The following KCNJ3 variants were observed in gnomAD, a reference collection of about 807,000 sequenced individuals.
The protein encoded by KCNJ3 is potassium inwardly rectifying channel subfamily J member 3.
A neutral mutation model predicts 39.2 loss-of-function variants in KCNJ3; 4 were observed. The ratio of observed to expected loss-of-function variants is 0.10; its 90% CI spans 0.05 to 0.23. The LOEUF is 0.23. Among genes scored for constraint, KCNJ3 ranks in the 10% least tolerant of loss-of-function variants. The pLI is 1.00. For synonymous variants in KCNJ3, 230 were observed against 237.4 expected (o/e 0.97, Z 0.29); for missense variants, 276 against 634.9 (o/e 0.43, Z 6.08).
chr2:154,779,452 T>TA (rs2105202022), intron 2 of KCNJ3, among the ~76,000 whole-genome samples: 1 of 140,724 alleles, frequency 7.1e-6, no homozygotes, highest in East Asian at 2.3e-4. Flanking sequence ...GTATATATAT[T>TA]TTATATATAT....
At chr2:154,851,771 A>T (rs1176307124) in intron 2 of KCNJ3, among the ~76,000 whole-genome samples, 1 of 152,206 alleles carries the variant, frequency 6.6e-6, no homozygotes, top group Non-Finnish European at 1.5e-5. Flanking sequence ...GCCAACAAAC[A>T]TTTGAATACA....
chr2:154,776,278 A>C (rs1686333340), intron 2 of KCNJ3, among the ~76,000 whole-genome samples: 1 of 152,166 alleles, frequency 6.6e-6, no homozygotes, highest in African/African-American at 2.4e-5. Context: ...CTTGGAGTAC[A>C]GGCGTGAGCC....
chr2:154,704,130 A>T (rs1402544815), intron 1 of KCNJ3, among the ~76,000 whole-genome samples: 1 of 152,086 alleles, frequency 6.6e-6, no homozygotes, highest in Admixed American at 6.5e-5. Flanking sequence ...TATTCTTTTT[A>T]AAATAGTGGT....
intron 2 of KCNJ3, among the ~76,000 whole-genome samples, chr2:154,720,771 G>A (rs752740587): frequency 2.0e-5 from 3 of 152,098 alleles, no homozygotes; most frequent in Non-Finnish European, 4.4e-5. Context: ...TGAACTGAAC[G>A]TATGTGTATG....
Position 154,815,115 on chromosome 2 carries a change from T to C in KCNJ3, c.920-39612T>C, listed in dbSNP as rs182822717. Among the ~76,000 whole-genome samples, 225 of 152,326 alleles carry C rather than the reference T, an allele frequency of 1.5e-3. 2 individuals carry two copies. Among genetic ancestry groups the C allele is most frequent in the Admixed American group, 0.014 (209 of 15,294 alleles). On this transcript the variant is annotated intron_variant, in intron 2 of 2. Transcript: ENST00000295101. ...AAGCAAATACAACAGTTGAATTGCC[T>C]AATTTGTTTGACTTCTTTTCAATAT...
chr2:154,742,138 T>C (rs533354373), intron 2 of KCNJ3, among the ~76,000 whole-genome samples: 2 of 151,918 alleles, frequency 1.3e-5, no homozygotes, highest in African/African-American at 2.4e-5. Context: ...CATATAATAT[T>C]TGTCTTTTTA....
intron 2 of KCNJ3, among the ~76,000 whole-genome samples, chr2:154,723,014 C>T (rs960547070): frequency 1.3e-5 from 2 of 152,140 alleles, no homozygotes; most frequent in Non-Finnish European, 2.9e-5. Flanking sequence ...AGCATGGTGG[C>T]TCGTGCCTGT....
chr2:154,831,237 G>A (rs1233374946), intron 2 of KCNJ3, among the ~76,000 whole-genome samples: 1 of 151,984 alleles, frequency 6.6e-6, no homozygotes, highest in African/African-American at 2.4e-5. Context: ...ATTTTTTTCA[G>A]GTGATAAGTA....
chr2:154,715,212 C>A (rs1685161260), intron 2 of KCNJ3, among the ~76,000 whole-genome samples: 1 of 152,094 alleles, frequency 6.6e-6, no homozygotes, highest in Non-Finnish European at 1.5e-5. Context: ...GATTTAGTAC[C>A]TGGAGGATCT....
At chr2:154,753,032 G>A (rs752993073) in intron 2 of KCNJ3, among the ~76,000 whole-genome samples, 14 of 151,928 alleles carry the variant, frequency 9.2e-5, no homozygotes, top group Non-Finnish European at 1.8e-4. Flanking sequence ...AATCCTATTT[G>A]GTTAGCATTA....
intron 2 of KCNJ3, among the ~76,000 whole-genome samples, chr2:154,715,338 T>A (rs1685164097): frequency 6.6e-6 from 1 of 152,234 alleles, no homozygotes; most frequent in Non-Finnish European, 1.5e-5. Flanking sequence ...CACACATTTC[T>A]TATTGAGAAA....
intron 2 of KCNJ3, among the ~76,000 whole-genome samples, chr2:154,798,154 T>C (rs1686752330): frequency 1.3e-5 from 2 of 150,712 alleles, no homozygotes; most frequent in Admixed American, 6.6e-5. Context: ...ACTCTAAATG[T>C]ACCTATACCA....
chr2:154,781,759 C>T (rs1018955230), intron 2 of KCNJ3, among the ~76,000 whole-genome samples: 5 of 152,046 alleles, frequency 3.3e-5, no homozygotes, highest in African/African-American at 1.2e-4. Flanking sequence ...AATTTATTTG[C>T]AATAGGTACG....
intron 2 of KCNJ3, among the ~76,000 whole-genome samples, chr2:154,854,116 A>G (rs1180437554): frequency 1.3e-5 from 2 of 152,142 alleles, no homozygotes; most frequent in East Asian, 1.9e-4. Context: ...CCCACCCCCC[A>G]TAGCAATCCT....
chr2:154,794,765 T>C (rs1298352592), intron 2 of KCNJ3, among the ~76,000 whole-genome samples: 2 of 152,054 alleles, frequency 1.3e-5, no homozygotes, highest in Admixed American at 1.3e-4. Context: ...ATCTGACTTC[T>C]CATTTTCAAT....
At chr2:154,736,683 A>C (rs572022413) in intron 2 of KCNJ3, among the ~76,000 whole-genome samples, 1 of 152,264 alleles carries the variant, frequency 6.6e-6, no homozygotes, top group Non-Finnish European at 1.5e-5. Flanking sequence ...ACAAATCCAA[A>C]ATTCCATGCC....
chr2:154,802,091 G>GT (rs1229188638), intron 2 of KCNJ3, among the ~76,000 whole-genome samples: 2 of 152,182 alleles, frequency 1.3e-5, no homozygotes, highest in East Asian at 3.9e-4. Context: ...AACTGTAATT[G>GT]TGAGTCAGGA....
intron 2 of KCNJ3, among the ~76,000 whole-genome samples, chr2:154,760,130 T>C (rs922930979): frequency 4.6e-5 from 7 of 152,198 alleles, no homozygotes; most frequent in African/African-American, 1.7e-4. Context: ...AACTAACACA[T>C]CCTAACCAGC....
chr2:154,803,889 A>G (rs1686864325), intron 2 of KCNJ3, among the ~76,000 whole-genome samples: 1 of 152,066 alleles, frequency 6.6e-6, no homozygotes, highest in South Asian at 2.1e-4. Context: ...AAATTATGAC[A>G]TTTTAAGTAT....
Sources: allele counts gnomAD v4.1 joint callset (sites outside exome capture counted in the v4.1 genomes callset), GRCh38; gene constraint gnomAD v4.1.1; transcripts MANE v1.5; gene names NCBI Gene and HGNC (gene_info 2026-07-23, HGNC 2026-07-21).